The following MYOCD variants were observed in gnomAD, a reference collection of about 807,000 sequenced individuals.
MYOCD encodes the protein myocardin.
MYOCD carries 32 observed loss-of-function variants against 96.1 expected under a neutral mutation model. That is an observed-to-expected ratio of 0.33 (90% confidence interval 0.25 to 0.45). The LOEUF (loss-of-function observed/expected upper bound fraction) is 0.45. MYOCD is among the 20% of genes least tolerant of loss of function. MYOCD has a pLI of 1.00. For synonymous variants in MYOCD, 469 were observed against 469.0 expected, an observed-to-expected ratio of 1.00 and a Z score of 0.00; for missense variants, 1,133 against 1,200.6, an observed-to-expected ratio of 0.94 and a Z score of 0.83.
At chr17:12,736,944 C>A (rs2032363780) in intron 6 of MYOCD, among the ~76,000 whole-genome samples, 1 of 152,164 alleles carries the variant, frequency 6.6e-6, no homozygotes, top group South Asian at 2.1e-4. Flanking sequence ...ACTCTTAAAG[C>A]ACATTTATAA....
At chr17:12,749,838 A>C (rs1185281953) in intron 9 of MYOCD, among the ~76,000 whole-genome samples, 1 of 151,326 alleles carries the variant, frequency 6.6e-6, no homozygotes, top group Non-Finnish European at 1.5e-5. Context: ...TATTGTTTAA[A>C]GTTTTTTGTT....
intron 2 of MYOCD, among the ~76,000 whole-genome samples, chr17:12,708,713 C>T (rs1474720959): frequency 1.3e-5 from 2 of 151,980 alleles, no homozygotes; most frequent in Admixed American, 6.6e-5. Flanking sequence ...TTTAACTGGT[C>T]GACAGAAGCA....
Position 12,744,870 on chromosome 17 carries a change from A to C in MYOCD, c.971+434A>C, listed in dbSNP as rs189670088. Among the ~76,000 whole-genome samples the C allele has an allele frequency of 4.3e-4, 66 of 152,342 alleles. 1 individual carries two copies. In the East Asian group the frequency reaches 8.7e-3, roughly 20 times the overall value. ...ATGTGGTGGTTTCTCTCTCAAAATA[A>C]CTTATTGTACTGGACACAACTATTT... On this transcript the variant is annotated intron_variant, in intron 8 of 13. Transcript: ENST00000425538.
At chr17:12,722,238 C>G (rs1228046021) in intron 4 of MYOCD, among the ~76,000 whole-genome samples, 2 of 152,158 alleles carry the variant, frequency 1.3e-5, no homozygotes, top group Admixed American at 6.5e-5. Context: ...TCAGCTGTAT[C>G]GAAGTGGATT....
rs146800674 is a variant in MYOCD, at chr17:12,754,989, G to T, written c.2059-1425G>T. On this transcript the variant is annotated intron_variant, in intron 10 of 13. Coordinates refer to ENST00000425538, the MANE Select transcript of MYOCD (RefSeq NM_001146312.3). Reference sequence around the variant, plus strand: ...ATTCTAAGTACAATGCCCTATTCAAGTGGAATATCTCCACCCCAAGAATGT... The same window carrying T: ...ATTCTAAGTACAATGCCCTATTCAATTGGAATATCTCCACCCCAAGAATGT... 4.8e-3 allele frequency among the ~76,000 whole-genome samples: 732 copies of T among 152,278 alleles called. 9 individuals carry two copies. The highest frequency in any genetic ancestry group is 0.017 in the African/African-American group (704 of 41,550).
Position 12,768,422 on chromosome 17 carries a change from C to T in MYOCD, c.*4778C>T, listed in dbSNP as rs752503968. On this transcript the variant is annotated 3_prime_UTR_variant, in exon 14 of 14. Transcript: ENST00000425538. ...TAAGTTCCCTTTTGATTCTGGGAAT[C>T]AGCGATTTTCCCTGTGGATTAAGAC... is the stretch of plus-strand genomic sequence containing the variant. 2.0e-5 allele frequency: 3 copies of T among 152,166 alleles called. No homozygotes were observed. The highest frequency in any genetic ancestry group is 2.9e-5 in the Non-Finnish European group (2 of 68,034). 9.4% of individuals were successfully genotyped at this position (152,166 alleles called of 1,614,324 possible).
At chr17:12,747,267 A>C (rs942998622) in intron 9 of MYOCD, among the ~76,000 whole-genome samples, 2 of 152,148 alleles carry the variant, frequency 1.3e-5, no homozygotes, top group African/African-American at 4.8e-5. Flanking sequence ...ACGTGAGTGG[A>C]AAGAGAGAGA....
At chr17:12,694,689 G>A (rs944155498) in intron 1 of MYOCD, among the ~76,000 whole-genome samples, 5 of 152,046 alleles carry the variant, frequency 3.3e-5, no homozygotes, top group Non-Finnish European at 7.4e-5. Context: ...ATTGTCATAC[G>A]TACCAAACGC....
At chr17:12,714,350 C>G (rs2150682050) in intron 2 of MYOCD, among the ~76,000 whole-genome samples, 2 of 151,700 alleles carry the variant, frequency 1.3e-5, no homozygotes, top group South Asian at 4.2e-4. Context: ...CACACACACA[C>G]ACACACACAC....
At chr17:12,697,938 G>A (rs1446473844) in intron 1 of MYOCD, among the ~76,000 whole-genome samples, 1 of 152,120 alleles carries the variant, frequency 6.6e-6, no homozygotes, top group African/African-American at 2.4e-5. Context: ...TAGAGTTAGA[G>A]CCTAGCCTCA....
intron 1 of MYOCD, among the ~76,000 whole-genome samples, chr17:12,681,968 C>T (rs1910493573): frequency 6.6e-6 from 1 of 152,308 alleles, no homozygotes; most frequent in Admixed American, 6.5e-5. Flanking sequence ...TACCTGGAAT[C>T]AGAAGGCAAG....
In MYOCD at chr17:12,763,759, G is replaced by A; in HGVS notation, c.*115G>A. ...AGAAGAAGAAGAGAATTAAAAAGAAGCAATGATTTCTGTGCCAATGAACAA... is the reference window on the plus strand; with the variant it reads ...AGAAGAAGAAGAGAATTAAAAAGAAACAATGATTTCTGTGCCAATGAACAA... On this transcript the variant is annotated 3_prime_UTR_variant, in exon 14 of 14. Transcript: ENST00000425538. 1 of 978,080 alleles carries A rather than the reference G, an allele frequency of 1.0e-6. No individual in the cohort carries two copies. Among genetic ancestry groups the A allele is most frequent in the Non-Finnish European group, 1.5e-6 (1 of 683,822 alleles). 60.6% of individuals were successfully genotyped at this position (978,080 alleles called of 1,614,324 possible).
chr17:12,736,988 C>T (rs903914473), intron 6 of MYOCD, among the ~76,000 whole-genome samples: 5 of 152,234 alleles, frequency 3.3e-5, no homozygotes, highest in African/African-American at 9.6e-5. Context: ...GGCACGGTGG[C>T]TCACGCCTGC....
At chr17:12,741,271 T>G (rs1403979682) in intron 7 of MYOCD, among the ~76,000 whole-genome samples, 1 of 152,188 alleles carries the variant, frequency 6.6e-6, no homozygotes, top group Non-Finnish European at 1.5e-5. Flanking sequence ...TTCACTCAGC[T>G]CAACAGGTCG....
At chr17:12,723,107 C>T (rs2031895871) in intron 5 of MYOCD, 99 bp downstream of exon 5, 1 of 1,179,522 alleles carries the variant, frequency 8.5e-7, no homozygotes, top group Non-Finnish European at 1.2e-6. Flanking sequence ...GAGGGCCTCT[C>T]ACCAGATAAG....
chr17:12,706,247 G>T (rs1337602403), intron 2 of MYOCD: 1 of 152,184 alleles, frequency 6.6e-6, no homozygotes, highest in Admixed American at 6.6e-5. Flanking sequence ...TCTGTTAGAG[G>T]TTTGTGAAGT....
rs537509590 is a variant in MYOCD at position 12,667,526 on chromosome 17, C to T, written c.55+1283C>T. ...AGAGACCTCACCACTGCGTTGTATT[C>T]GGTCAAAACTGTAAGGCAACACTGC... On this transcript the variant is annotated intron_variant, in intron 1 of 13. Transcript: ENST00000425538. Among the ~76,000 whole-genome samples, 7 of 152,218 alleles carry T rather than the reference C, an allele frequency of 4.6e-5. No individual in the cohort carries two copies. In the South Asian group the frequency reaches 1.2e-3, roughly 27 times the overall value.
chr17:12,749,840 T>A (rs1183759596), intron 9 of MYOCD, among the ~76,000 whole-genome samples: 2 of 151,700 alleles, frequency 1.3e-5, no homozygotes, highest in Middle Eastern at 3.4e-3. Flanking sequence ...TTGTTTAAAG[T>A]TTTTTGTTTG....
chr17:12,666,445 A>G (rs1909379838), intron 1 of MYOCD, among the ~76,000 whole-genome samples: 1 of 151,964 alleles, frequency 6.6e-6, no homozygotes, highest in African/African-American at 2.4e-5. Context: ...TGGGTGGTCG[A>G]GTGTGGTTGT....
Sources: allele counts gnomAD v4.1 joint callset (sites outside exome capture counted in the v4.1 genomes callset), GRCh38; gene constraint gnomAD v4.1.1; transcripts MANE v1.5; gene names NCBI Gene and HGNC (gene_info 2026-07-23, HGNC 2026-07-21).